The following GJD2 variants were observed in gnomAD, a reference collection of about 807,000 sequenced individuals.
The protein encoded by GJD2 is gap junction protein delta 2.
GJD2 carries 12 observed loss-of-function variants against 24.3 expected under a neutral mutation model. The ratio of observed to expected loss-of-function variants is 0.49; its 90% CI spans 0.32 to 0.80. The LOEUF (loss-of-function observed/expected upper bound fraction) is 0.80. GJD2 is among the 30% of genes least tolerant of loss of function. The pLI is 0.04. For synonymous variants in GJD2, 171 were observed against 155.2 expected, an observed-to-expected ratio of 1.10 and a Z score of -0.76; for missense variants, 268 against 402.4, an observed-to-expected ratio of 0.67 and a Z score of 2.86.
In GJD2 at chr15:34,751,668, C is replaced by A. The variant is rs1891104068; in HGVS notation, c.*810G>T. The A allele has an allele frequency of 6.6e-6, 1 of 152,054 alleles. No individual in the cohort carries two copies. Among genetic ancestry groups the A allele is most frequent in the Admixed American group, 6.5e-5 (1 of 15,276 alleles). The allele number at this position is 152,054 out of a possible 1,614,324, so 9.4% of individuals were successfully genotyped here. On this transcript the variant is annotated 3_prime_UTR_variant, in exon 2 of 2. Coordinates refer to ENST00000290374, the MANE Select transcript of GJD2 (RefSeq NM_020660.3). ...GGCAGAAATATCCTGAAGCTCGTAA[C>A]CGTGTGCCTAACTGTGCAACAACAA...
rs765039509 is a variant in GJD2 at position 34,752,955 on chromosome 15, C to T, written c.489G>A (p.Glu163=). 1.1e-5 allele frequency: 18 copies of T among 1,614,056 alleles called. No homozygotes were observed. In the South Asian group the frequency reaches 1.9e-4, roughly 17 times the overall value. ...TAACCTCTAAACAATCTGGCTCTGT[C>T]TCCTTACTGGTGTTCTCTGTGTTCT... ...VLQNTENTSK[E]TEPDCLEVKE... The change falls in exon 2 of 2, where the codon GAG becomes GAA. Residue 163 remains glutamate (E), a synonymous_variant. Coordinates refer to ENST00000290374, the MANE Select transcript of GJD2 (RefSeq NM_020660.3).
chr15:34,753,248 A>T lies in GJD2; in HGVS notation c.196T>A (p.Cys66Ser). 1 of 1,614,170 alleles carries T rather than the reference A, an allele frequency of 6.2e-7. No individual in the cohort carries two copies. Among genetic ancestry groups the T allele is most frequent in the South Asian group, 1.1e-5 (1 of 91,088 alleles). The change falls in exon 2 of 2, where the codon TGC becomes AGC. Residue 66 changes from cysteine to serine, a missense_variant. Physicochemically the swap from Cys to Ser is moderately radical, Grantham distance 112 (BLOSUM62 -1). Transcript: ENST00000290374. ...GAGATGGGGAAGGCGCGGTCATAGC[A>T]GGCCTGGTTACAGCCGGGCTGCAGG... is the stretch of plus-strand genomic sequence containing the variant. ...NTLQPGCNQA[C>S]YDRAFPISHI...
Position 34,752,574 on chromosome 15 carries a change from C to T in GJD2, c.870G>A (p.Lys290=). 6.2e-7 allele frequency: 1 copy of T among 1,614,232 alleles called. No homozygotes were observed. Among genetic ancestry groups the T allele is most frequent in the Non-Finnish European group, 8.5e-7 (1 of 1,180,036 alleles). Residue 290 remains lysine (K), a synonymous_variant, in exon 2 of 2, where the codon AAG becomes AAA. Coordinates refer to ENST00000290374, the MANE Select transcript of GJD2 (RefSeq NM_020660.3). The stretch of plus-strand genomic sequence containing the variant: ...TACGAATCTCATAGATTGACTTTCT[C>T]TTGGCCTGAGCCCCTCGCACAGCCA... The part of the protein sequence containing the change: ...IKLAVRGAQA[K]RKSIYEIRNK...
rs200983881 is a variant in GJD2, at chr15:34,754,550, G to T, written c.-62C>A. On this transcript the variant is annotated 5_prime_UTR_variant, in exon 1 of 2. Transcript: ENST00000290374. This position sits in a 1 kb window ranked among gnomAD's most constrained non-coding sequence, Gnocchi z 5.9. ...AGCACCGGGCACGTTCCCGCTCCTG[G>T]CCCCTCCCCGGGCCGCACTTCCAGA... The T allele has an allele frequency of 1.2e-5, 17 of 1,362,542 alleles. No individual in the cohort carries two copies. The East Asian group carries it at 3.9e-4, about 31-fold the overall frequency. 84.4% of individuals were successfully genotyped at this position (1,362,542 alleles called of 1,614,324 possible).
intron 1 of GJD2, 108 bp from the exon 2 acceptor site, chr15:34,753,480 G>T: frequency 3.0e-6 from 3 of 994,248 alleles, no homozygotes; most frequent in Non-Finnish European, 4.4e-6. Flanking sequence ...TTTTGACTGG[G>T]GAGCTGTCCA....
In GJD2 at chr15:34,754,697, G is replaced by T. The variant is rs1209416105; in HGVS notation, c.-209C>A. The T allele has an allele frequency of 1.8e-6, 1 of 558,494 alleles. No individual in the cohort carries two copies. The highest frequency in any genetic ancestry group is 3.1e-5 in the East Asian group (1 of 32,214). 34.6% of individuals were successfully genotyped at this position (558,494 alleles called of 1,614,324 possible). On this transcript the variant is annotated 5_prime_UTR_variant, in exon 1 of 2. Coordinates refer to ENST00000290374, the MANE Select transcript of GJD2 (RefSeq NM_020660.3). The surrounding 1 kb of genome is among the most constrained non-coding windows in gnomAD (Gnocchi z 5.9). ...AAAGAAATCCAAGCGCGTCCCGACC[G>T]ATGGGGCAGTTGGCGCGGTCTAGAG...
Position 34,753,092 on chromosome 15 carries a change from T to C in GJD2, c.352A>G (p.Arg118Gly). The change falls in exon 2 of 2, where the codon AGA (arginine) becomes GGA (glycine). Residue 118 changes from arginine to glycine, a missense_variant. Around this residue, in one of 3 missense-constraint regions of GJD2, gnomAD observed 87 missense variants for 77.8 expected, o/e 1.12. Coordinates refer to ENST00000290374, the MANE Select transcript of GJD2 (RefSeq NM_020660.3). ...RYSTVFLALD[R>G]DPPESIGGPG... ...CCTCCTATGGACTCAGGGGGGTCTC[T>C]GTCCAGGGCTAGGAAGACTGTAGAG... 2 of 1,614,106 alleles carry C rather than the reference T, an allele frequency of 1.2e-6. No individual in the cohort carries two copies. Among genetic ancestry groups the C allele is most frequent in the Non-Finnish European group, 1.7e-6 (2 of 1,180,022 alleles).
rs1891112700 is a variant in GJD2 at position 34,752,106 on chromosome 15, T to C, written c.*372A>G. On this transcript the variant is annotated 3_prime_UTR_variant, in exon 2 of 2. Coordinates refer to ENST00000290374, the MANE Select transcript of GJD2 (RefSeq NM_020660.3). ...ATGGGTTGAGATAGGTCACAAATTT[T>C]ATATCAATGAAGTACTCAACTCACA... 1 of 220,244 alleles carries C rather than the reference T, an allele frequency of 4.5e-6. No homozygotes were observed. Among genetic ancestry groups the C allele is most frequent in the Non-Finnish European group, 9.1e-6 (1 of 109,740 alleles). 13.6% of individuals were successfully genotyped at this position (220,244 alleles called of 1,614,324 possible). A position where few individuals can be genotyped will look rare whatever the true frequency, so the allele number is the denominator to read the frequency against.
In GJD2 at chr15:34,752,746, C is replaced by T. The variant is rs1361994270; in HGVS notation, c.698G>A (p.Arg233His). Residue 233 changes from arginine (R) to histidine (H), a missense_variant, in exon 2 of 2, where the codon CGC (arginine) becomes CAC (histidine). Transcript: ENST00000290374. ...FSVPGLYECN[R>H]YPCIKEVECY... ...TTCCACCTCCTTGATGCAGGGGTAG[C>T]GGTTACACTCATACAACCCTGGGAC... is the stretch of plus-strand genomic sequence containing the variant. 8.1e-6 allele frequency: 13 copies of T among 1,613,980 alleles called. No homozygotes were observed. Among genetic ancestry groups the T allele is most frequent in the East Asian group, 2.2e-5 (1 of 44,894 alleles).
In GJD2 at chr15:34,751,924, C is replaced by CATA. The variant is rs780346804; in HGVS notation, c.*551_*553dup. The CATA allele has an allele frequency of 1.2e-5, 1 of 84,344 alleles. No individual in the cohort carries two copies. The highest frequency in any genetic ancestry group is 2.2e-5 in the Non-Finnish European group (1 of 45,526). 5.2% of individuals were successfully genotyped at this position (84,344 alleles called of 1,614,324 possible). A position where few individuals can be genotyped will look rare whatever the true frequency, so the allele number is the denominator to read the frequency against. ...ATTCCCTCTAAGTTTGCAAATAAAA[C>CATA]ATATTAGGTCTAATGTAAGGCCAGA... On this transcript the variant is annotated 3_prime_UTR_variant, in exon 2 of 2. Transcript: ENST00000290374.
In GJD2 at chr15:34,754,387, G is replaced by C; in HGVS notation, c.71+31C>G. 1.3e-6 allele frequency: 2 copies of C among 1,586,450 alleles called. No individual in the cohort carries two copies. The highest frequency in any genetic ancestry group is 1.7e-6 in the Non-Finnish European group (2 of 1,155,710). On this transcript the variant is annotated intron_variant, in intron 1 of 1. Coordinates refer to ENST00000290374, the MANE Select transcript of GJD2 (RefSeq NM_020660.3). This position sits in a 1 kb window ranked among gnomAD's most constrained non-coding sequence, Gnocchi z 5.9. ...GGGACTCCCGGGGGCCGCCCGACGG[G>C]GCCCCCTGACCGCCGGCTTGGCGCC...
intron 1 of GJD2, among the ~76,000 whole-genome samples, chr15:34,753,821 C>T (rs1018012602): frequency 7.9e-5 from 12 of 151,906 alleles, no homozygotes; most frequent in African/African-American, 2.9e-4. Context: ...AAATTTAATG[C>T]TTTATATAAG....
Position 34,754,098 on chromosome 15 carries a change from T to C in GJD2, c.71+320A>G, listed in dbSNP as rs1013634869. On this transcript the variant is annotated intron_variant, in intron 1 of 1. Transcript: ENST00000290374. The surrounding 1 kb of genome is among the most constrained non-coding windows in gnomAD (Gnocchi z 5.9). ...TGTAGATTCTATTTAGGGAACCAAA[T>C]GGAGATTGGCTCTGACTCTGGAGAG... 6.6e-6 allele frequency among the ~76,000 whole-genome samples: 1 copy of C among 152,202 alleles called. No individual in the cohort carries two copies. Among genetic ancestry groups the C allele is most frequent in the Admixed American group, 6.5e-5 (1 of 15,282 alleles).
At position 34,754,837 on chromosome 15, in the gene GJD2, G is replaced by A. The variant is rs1335628124; in HGVS notation, c.-349C>T. The A allele has an allele frequency of 4.2e-6, 1 of 239,764 alleles. No individual in the cohort carries two copies. Among genetic ancestry groups the A allele is most frequent in the Non-Finnish European group, 8.1e-6 (1 of 123,436 alleles). 14.9% of individuals were successfully genotyped at this position (239,764 alleles called of 1,614,324 possible). A position where few individuals can be genotyped will look rare whatever the true frequency, so the allele number is the denominator to read the frequency against. On this transcript the variant is annotated 5_prime_UTR_variant, in exon 1 of 2. Coordinates refer to ENST00000290374, the MANE Select transcript of GJD2 (RefSeq NM_020660.3). The surrounding 1 kb of genome is among the most constrained non-coding windows in gnomAD (Gnocchi z 5.9). ...GGTCCTCCAGCGCTCGCCCGCCCAG[G>A]AGAAGTCTCAGCGCCGCTCTCCGCC...
chr15:34,754,103 A>T lies in GJD2; in HGVS notation c.71+315T>A, dbSNP rs1891150944. Among the ~76,000 whole-genome samples the T allele has an allele frequency of 6.6e-6, 1 of 152,124 alleles. No individual in the cohort carries two copies. Among genetic ancestry groups the T allele is most frequent in the Admixed American group, 6.5e-5 (1 of 15,274 alleles). ...ATTCTATTTAGGGAACCAAATGGAG[A>T]TTGGCTCTGACTCTGGAGAGTGGAG... On this transcript the variant is annotated intron_variant, in intron 1 of 1. Coordinates refer to ENST00000290374, the MANE Select transcript of GJD2 (RefSeq NM_020660.3). The surrounding 1 kb of genome is among the most constrained non-coding windows in gnomAD (Gnocchi z 5.9).
In GJD2 at chr15:34,751,078, G is replaced by A. The variant is rs950181694; in HGVS notation, c.*1400C>T. The stretch of plus-strand genomic sequence containing the variant: ...CTTTATTTTAAACAAATCCTTAGTT[G>A]TGTGTTACACCATGTCCATATCTAA... On this transcript the variant is annotated 3_prime_UTR_variant, in exon 2 of 2. Coordinates refer to ENST00000290374, the MANE Select transcript of GJD2 (RefSeq NM_020660.3). 1.3e-5 allele frequency: 2 copies of A among 152,126 alleles called. No homozygotes were observed. The highest frequency in any genetic ancestry group is 2.9e-5 in the Non-Finnish European group (2 of 68,028). The allele number at this position is 152,126 out of a possible 1,614,324, so 9.4% of individuals were successfully genotyped here. A position where few individuals can be genotyped will look rare whatever the true frequency, so the allele number is the denominator to read the frequency against.
chr15:34,753,465 C>T, intron 1 of GJD2, 93 bp from the exon 2 acceptor site: 2 of 1,208,902 alleles, frequency 1.7e-6, no homozygotes, highest in Non-Finnish European at 1.1e-6. Flanking sequence ...TGGTGTTTAC[C>T]AGTCTTTTGA....
chr15:34,751,296 G>A lies in GJD2; in HGVS notation c.*1182C>T, dbSNP rs1246384739. ...AATGCAATAGGTTTTTGAACCTTTG[G>A]TATATGTCTCAAATAAGTCACCGTA... On this transcript the variant is annotated 3_prime_UTR_variant, in exon 2 of 2. Coordinates refer to ENST00000290374, the MANE Select transcript of GJD2 (RefSeq NM_020660.3). 6.6e-6 allele frequency: 1 copy of A among 152,200 alleles called. No homozygotes were observed. Among genetic ancestry groups the A allele is most frequent in the African/African-American group, 2.4e-5 (1 of 41,440 alleles). The allele number at this position is 152,200 out of a possible 1,614,324, so 9.4% of individuals were successfully genotyped here.
chr15:34,753,330 CA>C lies in GJD2; in HGVS notation c.113del (p.Val38GlyfsTer47). On this transcript the variant is annotated frameshift_variant, in exon 2 of 2. Transcript: ENST00000290374. LOFTEE classifies it high-confidence loss of function. ...CGTACACCGTCTCCCCCACAATGGCCACAATGAGGATCCGGAAGATCACCAC... is the reference window on the plus strand; with the variant it reads ...CGTACACCGTCTCCCCCACAATGGCCCAATGAGGATCCGGAAGATCACCAC... ...TVVVIFRILI[V>X]AIVGETVYDD... 1 of 1,610,524 alleles carries C rather than the reference CA, an allele frequency of 6.2e-7. No homozygotes were observed. The highest frequency in any genetic ancestry group is 8.5e-7 in the Non-Finnish European group (1 of 1,178,878).
Sources: gnomAD v4.1 joint callset for allele counts (sites outside exome capture counted in the v4.1 genomes callset) on GRCh38, gnomAD v4.1.1 for gene constraint, gnomAD v4.1.1 regional missense constraint, Gnocchi (gnomAD v3.1) non-coding constraint, MANE v1.5 for transcripts, NCBI Gene and HGNC (gene_info 2026-07-23, HGNC 2026-07-21) for gene names.